The following EYS variants were observed in gnomAD, a reference collection of about 807,000 sequenced individuals.
EYS encodes EGF-like photoreceptor maintenance factor.
A neutral mutation model predicts 282.1 loss-of-function variants in EYS; 250 were observed. The observed-to-expected ratio is 0.89, with a 90% CI of 0.80 to 0.98. EYS has a LOEUF of 0.98. EYS is among the 50% of genes least tolerant of loss of function. EYS has a pLI of 0.00. For missense variants in EYS, 4,016 were observed against 3,709.0 expected, an observed-to-expected ratio of 1.08 and a Z score of -2.15; for synonymous variants, 1,355 against 1,282.9, an observed-to-expected ratio of 1.06 and a Z score of -1.20.
At chr6:64,033,006 T>G (rs1433895376) in intron 33 of EYS, among the ~76,000 whole-genome samples, 1 of 152,190 alleles carries the variant, frequency 6.6e-6, no homozygotes, top group Non-Finnish European at 1.5e-5. Flanking sequence ...TTAGAAGCTC[T>G]TTTGTCAGGA....
rs1770925925 is a variant in EYS, at chr6:63,807,072, T to C, written c.7229-700A>G. Among the ~76,000 whole-genome samples, 6 of 152,202 alleles carry C rather than the reference T, an allele frequency of 3.9e-5. No homozygotes were observed. In the South Asian group the frequency reaches 1.2e-3, roughly 32 times the overall value. ...AGTTCAAGGGCCAGTGTGAACAAAA[T>C]AGAATTTAACTGAGGGTTGCTTCTT... On this transcript the variant is annotated intron_variant, in intron 36 of 42. Coordinates refer to ENST00000503581, the MANE Select transcript of EYS (RefSeq NM_001142800.2).
intron 31 of EYS, among the ~76,000 whole-genome samples, chr6:64,099,923 A>G (rs78131877): frequency 1.3e-5 from 2 of 152,196 alleles, no homozygotes; most frequent in Admixed American, 1.3e-4. Context: ...TGCTTTATAT[A>G]GATAATCTTT....
chr6:64,616,791 T>C (rs1475257115), intron 24 of EYS, among the ~76,000 whole-genome samples: 1 of 152,158 alleles, frequency 6.6e-6, no homozygotes, highest in Non-Finnish European at 1.5e-5. Flanking sequence ...CAGTGAAGGC[T>C]GGTCTAATAA....
chr6:65,335,050 T>C lies in EYS; in HGVS notation c.1696A>G (p.Asn566Asp). The part of the protein sequence containing the change: ...LRWAGNMYLE[N>D]TTDDQENECQ... The stretch of plus-strand genomic sequence containing the variant: ...TCATTTTCTTGATCATCAGTTGTAT[T>C]TTCCAGATACATGTTGCCAGCCCAT... The change falls in exon 11 of 43, where the codon AAT (asparagine) becomes GAT (aspartate). Residue 566 changes from asparagine (N) to aspartate (D), a missense_variant. Coordinates refer to ENST00000503581, the MANE Select transcript of EYS (RefSeq NM_001142800.2). The C allele has an allele frequency of 6.2e-7, 1 of 1,611,764 alleles. No homozygotes were observed. The highest frequency in any genetic ancestry group is 8.5e-7 in the Non-Finnish European group (1 of 1,178,532).
chr6:64,343,261 T>C (rs530053708), intron 29 of EYS, among the ~76,000 whole-genome samples: 3 of 151,970 alleles, frequency 2.0e-5, no homozygotes, highest in Non-Finnish European at 2.9e-5. Context: ...ACATTTTTTT[T>C]CAGCACCACA....
chr6:63,892,302 A>T (rs578260622), intron 35 of EYS, among the ~76,000 whole-genome samples: 24 of 152,222 alleles, frequency 1.6e-4, no homozygotes, highest in Non-Finnish European at 3.2e-4. Flanking sequence ...ACAAAGCTGG[A>T]GGCATCACAC....
intron 12 of EYS, among the ~76,000 whole-genome samples, chr6:65,170,872 C>A (rs1765089089): frequency 6.6e-6 from 1 of 151,352 alleles, no homozygotes; most frequent in African/African-American, 2.4e-5. Context: ...TATCCAATAA[C>A]AAAAATGAGA....
chr6:64,372,175 T>A (rs1772401905), intron 29 of EYS, among the ~76,000 whole-genome samples: 1 of 133,250 alleles, frequency 7.5e-6, no homozygotes, highest in Admixed American at 7.8e-5. Context: ...TGGCCAGGAA[T>A]GGTCTTTTCC....
chr6:64,597,635 G>A (rs961218513), intron 24 of EYS, among the ~76,000 whole-genome samples: 1 of 151,182 alleles, frequency 6.6e-6, no homozygotes, highest in Non-Finnish European at 1.5e-5. Context: ...CATGTTCTCA[G>A]TTACAAGTGG....
intron 22 of EYS, among the ~76,000 whole-genome samples, chr6:64,661,242 T>A (rs533611477): frequency 6.6e-6 from 1 of 152,100 alleles, no homozygotes; most frequent in Admixed American, 6.5e-5. Context: ...TAATTCAAGA[T>A]GGATTAGAGA....
intron 12 of EYS, among the ~76,000 whole-genome samples, chr6:65,206,189 G>T (rs1354754667): frequency 6.6e-6 from 1 of 151,664 alleles, no homozygotes; most frequent in Admixed American, 6.6e-5. Context: ...AATCATAAAT[G>T]ATAAAGGTGA....
At chr6:64,921,231 G>A (rs184630599) in intron 15 of EYS, among the ~76,000 whole-genome samples, 6 of 152,082 alleles carry the variant, frequency 3.9e-5, no homozygotes, top group South Asian at 4.1e-4. Context: ...TCAGTTAGCC[G>A]ATGTAAAAAT....
At chr6:65,282,509 G>A (rs919496784) in intron 12 of EYS, among the ~76,000 whole-genome samples, 16 of 151,916 alleles carry the variant, frequency 1.1e-4, no homozygotes, top group African/African-American at 3.9e-4. Context: ...GTTAACACGT[G>A]AGCAAATTTT....
chr6:65,553,133 T>C (rs1344932347), intron 2 of EYS, among the ~76,000 whole-genome samples: 1 of 152,142 alleles, frequency 6.6e-6, no homozygotes, highest in Non-Finnish European at 1.5e-5. Flanking sequence ...CTGACAAAAA[T>C]CATTAGAAAA....
intron 1 of EYS, among the ~76,000 whole-genome samples, chr6:65,661,715 T>C (rs1467958928): frequency 6.6e-6 from 1 of 152,098 alleles, no homozygotes; most frequent in Non-Finnish European, 1.5e-5. Flanking sequence ...TGGTCATTTG[T>C]ACCACTTCTC....
chr6:65,016,030 C>T (rs1215115800), intron 13 of EYS, among the ~76,000 whole-genome samples: 2 of 143,516 alleles, frequency 1.4e-5, no homozygotes, highest in Non-Finnish European at 3.0e-5. Context: ...GGCAGCAGAG[C>T]GAGACTCCAC....
chr6:64,583,744 G>A (rs528450192), intron 26 of EYS, among the ~76,000 whole-genome samples: 3 of 151,910 alleles, frequency 2.0e-5, no homozygotes, highest in East Asian at 1.9e-4. Flanking sequence ...GCAGTGAGTC[G>A]AGATTGCACC....
chr6:64,347,309 A>G (rs1771445446), intron 29 of EYS, among the ~76,000 whole-genome samples: 1 of 151,500 alleles, frequency 6.6e-6, no homozygotes, highest in South Asian at 2.1e-4. Flanking sequence ...AACTAGATAT[A>G]TGATATTAAG....
At chr6:64,331,886 C>A (rs1333308508) in intron 29 of EYS, among the ~76,000 whole-genome samples, 4 of 152,194 alleles carry the variant, frequency 2.6e-5, no homozygotes, top group Non-Finnish European at 5.9e-5. Flanking sequence ...TTCACTTTCT[C>A]AGGGTGGGTT....
Sources: gnomAD v4.1 joint callset for allele counts (sites outside exome capture counted in the v4.1 genomes callset) on GRCh38, gnomAD v4.1.1 for gene constraint, MANE v1.5 for transcripts, NCBI Gene and HGNC (gene_info 2026-07-23, HGNC 2026-07-21) for gene names.